CYP11A1: variants seen among roughly 807,000 people sequenced by gnomAD.
The protein encoded by CYP11A1 is cytochrome P450 family 11 subfamily A member 1.
CYP11A1 carries 25 observed loss-of-function variants against 51.9 expected under a neutral mutation model. The observed-to-expected ratio is 0.48, with a 90% CI of 0.35 to 0.67. The LOEUF is 0.67. CYP11A1 is among the 30% of genes least tolerant of loss of function. The pLI is 0.00. For missense variants in CYP11A1, 578 were observed against 680.9 expected, an observed-to-expected ratio of 0.85 and a Z score of 1.68; for synonymous variants, 245 against 262.1, an observed-to-expected ratio of 0.93 and a Z score of 0.63.
At position 74,367,463 on chromosome 15, in the gene CYP11A1, G is replaced by A. The variant is rs148276149; in HGVS notation, c.123C>T (p.Ser41=). The change falls in exon 1 of 9, where the codon TCC becomes TCT. Residue 41 remains serine (S), a synonymous_variant. Coordinates refer to ENST00000268053, the MANE Select transcript of CYP11A1 (RefSeq NM_000781.3). ...RVPTGEGAGI[S]TRSPRPFNEI... ...CATTGAAGGGGCGAGGACTGCGGGT[G>A]GAGATGCCAGCTCCCTCGCCAGTGG... 6.8e-6 allele frequency: 11 copies of A among 1,614,126 alleles called. No individual in the cohort carries two copies. Among genetic ancestry groups the A allele is most frequent in the Non-Finnish European group, 9.3e-6 (11 of 1,180,052 alleles).
intron 5 of CYP11A1, among the ~76,000 whole-genome samples, chr15:74,341,565 C>A (rs984862085): frequency 1.3e-5 from 2 of 152,180 alleles, no homozygotes; most frequent in Admixed American, 1.3e-4. Context: ...TCCTTCATGG[C>A]CACATTAGCC....
In CYP11A1 at chr15:74,343,101, C is replaced by A. The variant is rs1244925803; in HGVS notation, c.866G>T (p.Arg289Ile). 1 of 1,613,960 alleles carries A rather than the reference C, an allele frequency of 6.2e-7. No homozygotes were observed. The highest frequency in any genetic ancestry group is 1.3e-5 in the African/African-American group (1 of 75,030). Reference protein sequence around the residue: ...IYTQNFYWELRQKGSVHHDYR... With the variant: ...IYTQNFYWELIQKGSVHHDYR... The stretch of plus-strand genomic sequence containing the variant: ...ATCGTGGTGAACACTTCCTTTCTGT[C>A]TCAATTCCCAGTAGAAGTTCTGGGT... Residue 289 changes from arginine (R) to isoleucine (I), a missense_variant, in exon 5 of 9, where the codon AGA becomes ATA. Physicochemically the swap from Arg to Ile is moderately conservative, Grantham distance 97. Transcript: ENST00000268053.
At position 74,337,954 on chromosome 15, in the gene CYP11A1, G is replaced by T. The variant is rs1020900516; in HGVS notation, c.*18C>A. 6.8e-6 allele frequency: 11 copies of T among 1,613,408 alleles called. No individual in the cohort carries two copies. Among genetic ancestry groups the T allele is most frequent in the Admixed American group, 6.7e-5 (4 of 59,994 alleles). ...CCCTGGGCCTTCCTCCCATGTGGCTGCAGGCCATCCTCTCTGATCACTGCT... is the reference window on the plus strand; with the variant it reads ...CCCTGGGCCTTCCTCCCATGTGGCTTCAGGCCATCCTCTCTGATCACTGCT... On this transcript the variant is annotated 3_prime_UTR_variant, in exon 9 of 9. Transcript: ENST00000268053.
chr15:74,342,944 G>A (rs982904897), intron 5 of CYP11A1, 33 bp downstream of exon 5: 6 of 1,610,958 alleles, frequency 3.7e-6, no homozygotes, highest in Non-Finnish European at 5.1e-6. Flanking sequence ...GGGCACAGGG[G>A]GCAACAAGGT....
At position 74,352,424 on chromosome 15, in the gene CYP11A1, C is replaced by G. The variant is rs1480348479; in HGVS notation, c.270-4369G>C. On this transcript the variant is annotated intron_variant, in intron 1 of 8. Coordinates refer to ENST00000268053, the MANE Select transcript of CYP11A1 (RefSeq NM_000781.3). The stretch of plus-strand genomic sequence containing the variant: ...AGCTGGGACCACAGGCACACGCCAC[C>G]ACGCCCAGCTAATTTTTAAATTTTT... Among the ~76,000 whole-genome samples, 3 of 152,030 alleles carry G rather than the reference C, an allele frequency of 2.0e-5. No individual in the cohort carries two copies. The East Asian group carries it at 5.8e-4, about 29-fold the overall frequency.
chr15:74,341,228 A>G (rs903259318), intron 5 of CYP11A1, among the ~76,000 whole-genome samples: 5 of 152,192 alleles, frequency 3.3e-5, no homozygotes, highest in African/African-American at 1.2e-4. Context: ...CCTGCCTGCC[A>G]TATAGTATGT....
chr15:74,353,812 A>G (rs2060665897), intron 1 of CYP11A1, among the ~76,000 whole-genome samples: 1 of 152,080 alleles, frequency 6.6e-6, no homozygotes, highest in African/African-American at 2.4e-5. Context: ...TTCCTAGTGG[A>G]AGGTTTTCAT....
intron 7 of CYP11A1, 141 bp from the exon 8 acceptor site, chr15:74,338,909 T>A (rs555167028): frequency 1.5e-5 from 12 of 808,240 alleles, no homozygotes. Flanking sequence ...GGCAGGACAT[T>A]CTGCCCACTG....
intron 1 of CYP11A1, among the ~76,000 whole-genome samples, chr15:74,351,324 T>G (rs1132670): frequency 1.3e-5 from 2 of 152,318 alleles, no homozygotes; most frequent in East Asian, 3.9e-4. Context: ...GGACTTTTTT[T>G]AAAAATCTTT....
intron 1 of CYP11A1, among the ~76,000 whole-genome samples, chr15:74,357,630 T>C (rs1312183031): frequency 1.3e-5 from 2 of 152,128 alleles, no homozygotes; most frequent in East Asian, 3.9e-4. Flanking sequence ...CCACACTAGC[T>C]CTCTCTAACT....
At chr15:74,348,419 T>C (rs955341889) in intron 1 of CYP11A1, among the ~76,000 whole-genome samples, 1 of 152,192 alleles carries the variant, frequency 6.6e-6, no homozygotes, top group African/African-American at 2.4e-5. Flanking sequence ...GCATTCTTCC[T>C]GTGTCCACAC....
At chr15:74,353,110 C>CA in intron 1 of CYP11A1, among the ~76,000 whole-genome samples, 1 of 152,110 alleles carries the variant, frequency 6.6e-6, no homozygotes, top group African/African-American at 2.4e-5. Context: ...ATTCTGTATA[C>CA]AAAAAGTGCC....
intron 1 of CYP11A1, chr15:74,350,110 T>C: frequency 5.2e-6 from 2 of 384,596 alleles, no homozygotes; most frequent in Non-Finnish European, 1.0e-5. Flanking sequence ...AGGAAAGAAT[T>C]CCTTGATATA....
intron 2 of CYP11A1, among the ~76,000 whole-genome samples, chr15:74,347,181 G>A (rs888494508): frequency 2.6e-5 from 4 of 152,142 alleles, no homozygotes; most frequent in African/African-American, 9.6e-5. Flanking sequence ...GGCTGAAGCG[G>A]GAAGATTGCT....
chr15:74,367,240 G>A, intron 1 of CYP11A1, 77 bp downstream of exon 1: 1 of 1,535,640 alleles, frequency 6.5e-7, no homozygotes, highest in Non-Finnish European at 9.0e-7. Context: ...CCTGTTGGGG[G>A]AGTGGGGACT....
At chr15:74,361,362 C>A in intron 1 of CYP11A1, 1 of 246,062 alleles carries the variant, frequency 4.1e-6, no homozygotes, top group Non-Finnish European at 8.0e-6. Flanking sequence ...TTATTGTAAA[C>A]CACAAAAATG....
chr15:74,342,534 C>T (rs750802578), intron 5 of CYP11A1, among the ~76,000 whole-genome samples: 56 of 152,290 alleles, frequency 3.7e-4, no homozygotes, highest in Admixed American at 1.1e-3. Flanking sequence ...AGACCATGGA[C>T]GGCAGAGCCC....
At chr15:74,361,004 TG>T (rs1223154187) in intron 1 of CYP11A1, among the ~76,000 whole-genome samples, 7 of 152,234 alleles carry the variant, frequency 4.6e-5, no homozygotes, top group Admixed American at 3.3e-4. Context: ...GGGGTTTTTT[TG>T]TGTGTGTGGA....
chr15:74,338,877 G>T, intron 7 of CYP11A1, 109 bp from the exon 8 acceptor site: 1 of 1,002,382 alleles, frequency 1.0e-6, no homozygotes, highest in Non-Finnish European at 1.5e-6. Context: ...CCACTCCCCA[G>T]CATGGCTGCC....
Sources: gnomAD v4.1 joint callset for allele counts (sites outside exome capture counted in the v4.1 genomes callset) on GRCh38, gnomAD v4.1.1 for gene constraint, MANE v1.5 for transcripts, NCBI Gene and HGNC (gene_info 2026-07-23, HGNC 2026-07-21) for gene names.